The following SH3PXD2A variants were observed in gnomAD, a reference collection of about 807,000 sequenced individuals.
The protein encoded by SH3PXD2A is SH3 and PX domain-containing protein 2A.
In SH3PXD2A, 32 loss-of-function variants were observed where a neutral mutation model predicts 115.2. That is an observed-to-expected ratio of 0.28 (90% CI 0.21 to 0.37). The LOEUF (loss-of-function observed/expected upper bound fraction) is 0.37, where lower values mean the gene tolerates loss of function less well. Ranked by LOEUF, SH3PXD2A falls within the 10% of genes least tolerant of loss-of-function variation. The pLI, the probability that SH3PXD2A is intolerant of heterozygous loss-of-function variation, is 1.00. For missense variants in SH3PXD2A, 1,328 were observed against 1,498.7 expected (o/e 0.89, Z 1.88); for synonymous variants, 610 against 629.1 (o/e 0.97, Z 0.45).
At chr10:103,648,178 C>G (rs1308306296) in intron 8 of SH3PXD2A, among the ~76,000 whole-genome samples, 1 of 152,128 alleles carries the variant, frequency 6.6e-6, no homozygotes, top group Non-Finnish European at 1.5e-5. Context: ...TATGGAAAAA[C>G]AGGATTCCCC....
chr10:103,656,852 A>G (rs930363631), intron 8 of SH3PXD2A, among the ~76,000 whole-genome samples: 3 of 149,128 alleles, frequency 2.0e-5, no homozygotes, highest in African/African-American at 5.0e-5. Flanking sequence ...AAAAATCTAC[A>G]TGGTAAGTAA....
chr10:103,668,656 C>T lies in SH3PXD2A; in HGVS notation c.428-4G>A, dbSNP rs1340587478. ...TCAGCCCAGCTGGACAGCCACACTT[C>T]CGAGTCCCCGAGAGCAAGCGGCAGC... is the stretch of plus-strand genomic sequence containing the variant. On this transcript the variant is annotated splice_region_variant and splice_polypyrimidine_tract_variant and intron_variant, in intron 6 of 14. Coordinates refer to ENST00000369774, the MANE Select transcript of SH3PXD2A (RefSeq NM_001394015.1). The T allele has an allele frequency of 6.4e-7, 1 of 1,559,586 alleles. No individual in the cohort carries two copies. The highest frequency in any genetic ancestry group is 8.7e-7 in the Non-Finnish European group (1 of 1,151,692).
At chr10:103,702,872 G>A (rs1364841300) in intron 5 of SH3PXD2A, among the ~76,000 whole-genome samples, 1 of 152,150 alleles carries the variant, frequency 6.6e-6, no homozygotes, top group African/African-American at 2.4e-5. Flanking sequence ...GGAGCCAGAG[G>A]ACTGCTTTGC....
intron 6 of SH3PXD2A, among the ~76,000 whole-genome samples, chr10:103,682,944 G>GAA: frequency 6.6e-6 from 1 of 152,216 alleles, no homozygotes; most frequent in East Asian, 1.9e-4. Context: ...GAACGCCTCG[G>GAA]AAATTGCTTT....
chr10:103,840,813 G>A (rs1354296034), intron 1 of SH3PXD2A, among the ~76,000 whole-genome samples: 3 of 150,134 alleles, frequency 2.0e-5, no homozygotes, highest in Middle Eastern at 3.4e-3. Context: ...CGGGCACATC[G>A]TTCATGCTGC....
intron 1 of SH3PXD2A, among the ~76,000 whole-genome samples, chr10:103,804,314 C>CTTTTTTTTTTTTT (rs58737094): frequency 1.7e-5 from 1 of 59,672 alleles, no homozygotes; most frequent in Non-Finnish European, 2.9e-5. Flanking sequence ...TTGACATCAT[C>CTTTTTTTTTTTTT]TTTTTTTTTT....
chr10:103,629,873 C>T (rs1237474356), intron 8 of SH3PXD2A, among the ~76,000 whole-genome samples: 1 of 152,218 alleles, frequency 6.6e-6, no homozygotes, highest in Non-Finnish European at 1.5e-5. Context: ...GCCTGTCCCC[C>T]TGGGGAGAGG....
At chr10:103,691,009 G>T (rs986580056) in intron 6 of SH3PXD2A, among the ~76,000 whole-genome samples, 1 of 152,232 alleles carries the variant, frequency 6.6e-6, no homozygotes, top group South Asian at 2.1e-4. Flanking sequence ...TTCCCTGGGG[G>T]AGGCAGCCTG....
intron 2 of SH3PXD2A, among the ~76,000 whole-genome samples, chr10:103,778,319 G>A (rs573189838): frequency 1.3e-5 from 2 of 152,272 alleles, no homozygotes; most frequent in Admixed American, 6.5e-5. Context: ...GCGATAGAGC[G>A]AGACTCCGTC....
chr10:103,751,869 G>T (rs796320002), intron 3 of SH3PXD2A, among the ~76,000 whole-genome samples: 2 of 152,274 alleles, frequency 1.3e-5, no homozygotes, highest in South Asian at 2.1e-4. Flanking sequence ...CGAATAACCC[G>T]CACTCCCTGT....
intron 6 of SH3PXD2A, among the ~76,000 whole-genome samples, chr10:103,678,617 T>C (rs1052308326): frequency 2.0e-5 from 3 of 152,228 alleles, no homozygotes; most frequent in African/African-American, 7.2e-5. Context: ...GGTCTTGACC[T>C]GGGATGTGAA....
intron 1 of SH3PXD2A, among the ~76,000 whole-genome samples, chr10:103,839,037 C>T (rs1239124147): frequency 6.6e-6 from 1 of 152,182 alleles, no homozygotes; most frequent in Non-Finnish European, 1.5e-5. Context: ...GGGGCGTGCA[C>T]ATCAGCACAG....
intron 3 of SH3PXD2A, among the ~76,000 whole-genome samples, chr10:103,764,914 A>T (rs967101491): frequency 4.6e-5 from 7 of 152,180 alleles, no homozygotes; most frequent in African/African-American, 1.4e-4. Context: ...GGGAGGATCA[A>T]ATCAGATTAT....
chr10:103,818,601 C>T (rs1159024573), intron 1 of SH3PXD2A, among the ~76,000 whole-genome samples: 2 of 152,152 alleles, frequency 1.3e-5, no homozygotes, highest in Admixed American at 6.5e-5. Flanking sequence ...CCCAATCATG[C>T]GGCAAAACGG....
chr10:103,825,086 C>A (rs1357940801), intron 1 of SH3PXD2A, among the ~76,000 whole-genome samples: 1 of 152,186 alleles, frequency 6.6e-6, no homozygotes, highest in Non-Finnish European at 1.5e-5. Context: ...TTGTGCCCAG[C>A]CTCTCTCTAA....
At chr10:103,640,401 T>C (rs2036936902) in intron 8 of SH3PXD2A, among the ~76,000 whole-genome samples, 1 of 151,746 alleles carries the variant, frequency 6.6e-6, no homozygotes, top group South Asian at 2.1e-4. Context: ...TGGGCTCCTG[T>C]CTGCAGCTCA....
At chr10:103,804,621 C>T (rs913850997) in intron 1 of SH3PXD2A, among the ~76,000 whole-genome samples, 6 of 152,144 alleles carry the variant, frequency 3.9e-5, no homozygotes, top group South Asian at 4.1e-4. Context: ...CTCATCTGAC[C>T]GGTTGACACC....
intron 1 of SH3PXD2A, among the ~76,000 whole-genome samples, chr10:103,818,513 C>A (rs2039346305): frequency 6.6e-6 from 1 of 152,186 alleles, no homozygotes. Flanking sequence ...TTGGAAAGAA[C>A]TGATTCCTAA....
intron 1 of SH3PXD2A, among the ~76,000 whole-genome samples, chr10:103,824,937 G>A (rs894803423): frequency 6.6e-6 from 1 of 152,188 alleles, no homozygotes; most frequent in African/African-American, 2.4e-5. Context: ...TGAGTAGCTG[G>A]AGTTACAGAA....
Sources: gnomAD v4.1 joint callset for allele counts (sites outside exome capture counted in the v4.1 genomes callset) on GRCh38, gnomAD v4.1.1 for gene constraint, MANE v1.5 for transcripts, NCBI Gene and HGNC (gene_info 2026-07-23, HGNC 2026-07-21) for gene names.